The following VWA7 variants were observed in gnomAD, a reference collection of about 807,000 sequenced individuals.
The protein encoded by VWA7 is von Willebrand factor A domain containing 7.
A neutral mutation model predicts 83.1 loss-of-function variants in VWA7; 66 were observed. That is an observed-to-expected ratio of 0.79 (90% CI 0.65 to 0.98). The LOEUF (loss-of-function observed/expected upper bound fraction) is 0.98. VWA7 is among the 50% of genes least tolerant of loss of function. The pLI is 0.00. For missense variants in VWA7, 1,080 were observed against 1,160.2 expected, an observed-to-expected ratio of 0.93 and a Z score of 1.00; for synonymous variants, 424 against 488.5, an observed-to-expected ratio of 0.87 and a Z score of 1.74.
Position 31,769,921 on chromosome 6 carries a change from AG to A in VWA7, c.1200+79del. On this transcript the variant is annotated intron_variant, in intron 8 of 16. Coordinates refer to ENST00000375688, the MANE Select transcript of VWA7 (RefSeq NM_025258.3). This position sits in a 1 kb window ranked among gnomAD's most constrained non-coding sequence, Gnocchi z 4.5. ...TGAAGCTAGTGGATCTAGGTGCTGA[AG>A]GTGGTGGGGAGCCCCAGGAGGGATC... 6.6e-7 allele frequency: 1 copy of A among 1,507,514 alleles called. No individual in the cohort carries two copies. The highest frequency in any genetic ancestry group is 9.2e-7 in the Non-Finnish European group (1 of 1,087,260). The allele number at this position is 1,507,514 out of a possible 1,614,324, so 93.4% of individuals were successfully genotyped here. A position where few individuals can be genotyped will look rare whatever the true frequency, so the allele number is the denominator to read the frequency against.
intron 5 of VWA7, among the ~76,000 whole-genome samples, chr6:31,774,046 C>T (rs1401903955): frequency 7.0e-5 from 10 of 142,720 alleles, no homozygotes; most frequent in African/African-American, 1.3e-4. Flanking sequence ...CCCAGCTACT[C>T]GGGAGGCTGA....
chr6:31,773,333 G>A lies in VWA7; in HGVS notation c.826C>T (p.Leu276=), dbSNP rs372220067. The change falls in exon 6 of 17, where the codon CTG becomes TTG. Residue 276 remains leucine (L), a synonymous_variant. Coordinates refer to ENST00000375688, the MANE Select transcript of VWA7 (RefSeq NM_025258.3). The surrounding 1 kb of genome is among the most constrained non-coding windows in gnomAD (Gnocchi z 5.3). ...GCCAGTTTTGCAGCCTGGAGGTGCA[G>A]CATGTGGTGAGGGGAGAAGCCTGGG... The part of the protein sequence containing the change: ...TSPGFSPHHM[L]HLQAAKLALL... 3.1e-5 allele frequency: 50 copies of A among 1,608,698 alleles called. No homozygotes were observed. Among genetic ancestry groups the A allele is most frequent in the Non-Finnish European group, 4.1e-5 (48 of 1,177,854 alleles).
At chr6:31,774,802 T>C (rs899724953) in intron 4 of VWA7, among the ~76,000 whole-genome samples, 176 bp from the exon 5 acceptor site, 12 of 152,080 alleles carry the variant, frequency 7.9e-5, no homozygotes, top group Non-Finnish European at 1.8e-4. Context: ...TGAGCCTGAA[T>C]GTTTGAAACT....
intron 10 of VWA7, among the ~76,000 whole-genome samples, chr6:31,768,159 A>AAAG (rs1368408913): frequency 1.6e-4 from 24 of 147,668 alleles, no homozygotes; most frequent in African/African-American, 5.6e-4. Flanking sequence ...AAAAAAAAAA[A>AAAG]AAAGAAAGAA....
Position 31,769,789 on chromosome 6 carries a change from C to T in VWA7, c.1203G>A (p.Leu401=). The T allele has an allele frequency of 4.3e-6, 7 of 1,612,934 alleles. No homozygotes were observed. The highest frequency in any genetic ancestry group is 1.3e-5 in the African/African-American group (1 of 75,026). The change falls in exon 9 of 17, where the codon CTG becomes CTA. Residue 401 remains leucine (L), a splice_region_variant and synonymous_variant. Coordinates refer to ENST00000375688, the MANE Select transcript of VWA7 (RefSeq NM_025258.3). The surrounding 1 kb of genome is among the most constrained non-coding windows in gnomAD (Gnocchi z 4.5). ...AGAGTGGAGGTGTGTGCAGCAGGGC[C>T]AGCTGGCAGGGAAGGCAACGACCAG... ...EPEMCLSALQ[L]ALLHTPPLSD... is the part of the protein sequence containing the mutation.
In VWA7 at chr6:31,769,187, G is replaced by C; in HGVS notation, c.1334C>G (p.Thr445Ser). 1 of 1,611,810 alleles carries C rather than the reference G, an allele frequency of 6.2e-7. No homozygotes were observed. Among genetic ancestry groups the C allele is most frequent in the East Asian group, 2.2e-5 (1 of 44,886 alleles). The change falls in exon 10 of 17, where the codon ACT becomes AGT. Residue 445 changes from threonine to serine, a missense_variant. By Grantham distance (58) the Thr-to-Ser change is moderately conservative. Coordinates refer to ENST00000375688, the MANE Select transcript of VWA7 (RefSeq NM_025258.3). This position sits in a 1 kb window ranked among gnomAD's most constrained non-coding sequence, Gnocchi z 4.5. ...ERRCRVTFLV[T>S]EDTSRVQGRA... ...ACCCTGAACCCTTGATGTATCTTCA[G>C]TCACCAGGAATGTTACCTGTACCCA...
rs1811559908 is a variant in VWA7, at chr6:31,766,303, C to T, written c.2266G>A (p.Asp756Asn). ...TTGACGAAAGTCCTAAGGTCAAGAT[C>T]CTGAGGGCCCGAGAAGCTGGCGATG... ...LRIASFSGPQDLDLRTFVNPS... is the reference protein window; with the variant it reads ...LRIASFSGPQNLDLRTFVNPS... Residue 756 changes from aspartate to asparagine, a missense_variant, in exon 15 of 17, where the codon GAT (aspartate) becomes AAT (asparagine). Asp to Asn is a conservative substitution (Grantham distance 23, BLOSUM62 1). Transcript: ENST00000375688. The surrounding 1 kb of genome is among the most constrained non-coding windows in gnomAD (Gnocchi z 4.9). 6.2e-6 allele frequency: 10 copies of T among 1,612,322 alleles called. No individual in the cohort carries two copies. In the East Asian group the frequency reaches 2.2e-4, roughly 36 times the overall value.
At position 31,766,040 on chromosome 6, in the gene VWA7, T is replaced by A; in HGVS notation, c.2342A>T (p.Asn781Ile). The change falls in exon 16 of 17, where the codon AAT (asparagine) becomes ATT (isoleucine). Residue 781 changes from asparagine to isoleucine, a missense_variant. Coordinates refer to ENST00000375688, the MANE Select transcript of VWA7 (RefSeq NM_025258.3). This position sits in a 1 kb window ranked among gnomAD's most constrained non-coding sequence, Gnocchi z 4.9. ...CCACAGGCGGCCCCAGGCCGACTCA[T>A]TCAGTTCCAGGTGAGCCCTGGAGAG... ...SNLSRAHLEL[N>I]ESAWGRLWLE... 6.2e-7 allele frequency: 1 copy of A among 1,612,840 alleles called. No individual in the cohort carries two copies. Among genetic ancestry groups the A allele is most frequent in the Admixed American group, 1.7e-5 (1 of 60,028 alleles).
rs142871734 is a variant in VWA7, at chr6:31,770,038, C to T, written c.1163G>A (p.Gly388Asp). 4.3e-6 allele frequency: 7 copies of T among 1,612,752 alleles called. No homozygotes were observed. Among genetic ancestry groups the T allele is most frequent in the Non-Finnish European group, 5.9e-6 (7 of 1,179,922 alleles). Reference sequence around the variant, plus strand: ...CAGGCACATCTCAGGCTCGTCTCCACCCCCCAAGGCATGGATCTCATTAAG... The same window carrying T: ...CAGGCACATCTCAGGCTCGTCTCCATCCCCCAAGGCATGGATCTCATTAAG... ...QQLNEIHALG[G>D]GDEPEMCLSA... is the part of the protein sequence containing the mutation. The change falls in exon 8 of 17, where the codon GGT becomes GAT. Residue 388 changes from glycine (G) to aspartate (D), a missense_variant. Physicochemically the swap from Gly to Asp is moderately conservative, Grantham distance 94. Coordinates refer to ENST00000375688, the MANE Select transcript of VWA7 (RefSeq NM_025258.3).
chr6:31,772,226 A>G (rs707931), intron 7 of VWA7, among the ~76,000 whole-genome samples: 21,933 of 151,622 alleles, frequency 0.14, 2,438 homozygotes, highest in African/African-American at 0.31. Context: ...GCTCACTGCA[A>G]CCTCAGTCTC....
rs1268806840 is a variant in VWA7 at position 31,776,849 on chromosome 6, G to T, written c.-15-55C>A. On this transcript the variant is annotated intron_variant, in intron 1 of 16. Coordinates refer to ENST00000375688, the MANE Select transcript of VWA7 (RefSeq NM_025258.3). The surrounding 1 kb of genome is among the most constrained non-coding windows in gnomAD (Gnocchi z 6.2). ...GGAAGCAGCCGCGATTCCAGGGCAG[G>T]CCGGCTCTGCGGGTCTCCATGGGAA... 2 of 1,082,756 alleles carry T rather than the reference G, an allele frequency of 1.8e-6. No homozygotes were observed. Among genetic ancestry groups the T allele is most frequent in the African/African-American group, 3.3e-5 (2 of 61,166 alleles). The allele number at this position is 1,082,756 out of a possible 1,614,324, so 67.1% of individuals were successfully genotyped here.
chr6:31,776,843 G>C lies in VWA7; in HGVS notation c.-15-49C>G, dbSNP rs1331344177. On this transcript the variant is annotated intron_variant, in intron 1 of 16. Coordinates refer to ENST00000375688, the MANE Select transcript of VWA7 (RefSeq NM_025258.3). This position sits in a 1 kb window ranked among gnomAD's most constrained non-coding sequence, Gnocchi z 6.2. ...GGAGGAGGAAGCAGCCGCGATTCCAGGGCAGGCCGGCTCTGCGGGTCTCCA... is the reference window on the plus strand; with the variant it reads ...GGAGGAGGAAGCAGCCGCGATTCCACGGCAGGCCGGCTCTGCGGGTCTCCA... 1 of 1,134,182 alleles carries C rather than the reference G, an allele frequency of 8.8e-7. No individual in the cohort carries two copies. The highest frequency in any genetic ancestry group is 1.2e-6 in the Non-Finnish European group (1 of 842,858). The allele number at this position is 1,134,182 out of a possible 1,614,324, so 70.3% of individuals were successfully genotyped here. A position where few individuals can be genotyped will look rare whatever the true frequency, so the allele number is the denominator to read the frequency against.
rs781448871 is a variant in VWA7, at chr6:31,776,181, C to A, written c.296G>T (p.Arg99Leu). Residue 99 changes from arginine (R) to leucine (L), a missense_variant, in exon 3 of 17, where the codon CGG (arginine) becomes CTG (leucine). Transcript: ENST00000375688. The surrounding 1 kb of genome is among the most constrained non-coding windows in gnomAD (Gnocchi z 6.2). ...CACCTCACCTAAGGCTGCTCGGAACCGCCGAGAAGAACCAGGTCCAAAGTA... is the reference window on the plus strand; with the variant it reads ...CACCTCACCTAAGGCTGCTCGGAACAGCCGAGAAGAACCAGGTCCAAAGTA... ...AAYFGPGSSR[R>L]FRAALGEVSR... is the part of the protein sequence containing the mutation. The A allele has an allele frequency of 6.2e-7, 1 of 1,614,066 alleles. No homozygotes were observed. Among genetic ancestry groups the A allele is most frequent in the Admixed American group, 1.7e-5 (1 of 60,018 alleles).
At position 31,765,860 on chromosome 6, in the gene VWA7, G is replaced by A. The variant is rs1388890305; in HGVS notation, c.2499+23C>T. On this transcript the variant is annotated intron_variant, in intron 16 of 16. Transcript: ENST00000375688. ...CCCTCCCCGGCCTTGCCCACCCTGT[G>A]ATGGAAAGTAGTGGTTCCTCACCTG... 3 of 1,611,714 alleles carry A rather than the reference G, an allele frequency of 1.9e-6. No individual in the cohort carries two copies. In the African/African-American group the frequency reaches 4.0e-5, roughly 22 times the overall value.
Position 31,777,046 on chromosome 6 carries a change from A to C in VWA7, c.-16+63T>G. ...CTCCCCAGTCCCTGGCTGCGTCCCC[A>C]GCCCTGCCGCAGAAACACTCCCCAT... On this transcript the variant is annotated intron_variant, in intron 1 of 16. Transcript: ENST00000375688. This position sits in a 1 kb window ranked among gnomAD's most constrained non-coding sequence, Gnocchi z 5.8. 2.4e-6 allele frequency: 1 copy of C among 412,056 alleles called. No individual in the cohort carries two copies. Among genetic ancestry groups the C allele is most frequent in the Non-Finnish European group, 4.3e-6 (1 of 233,064 alleles). The allele number at this position is 412,056 out of a possible 1,614,324, so 25.5% of individuals were successfully genotyped here.
Position 31,765,775 on chromosome 6 carries a change from G to C in VWA7, c.2500-5C>G, listed in dbSNP as rs747371575. ...GGTAGGGGTGGTGTGCCGGTCCTGT[G>C]GGGAAAAGGAAGAGAATGACAGGGT... On this transcript the variant is annotated splice_polypyrimidine_tract_variant and splice_region_variant and intron_variant, in intron 16 of 16. Transcript: ENST00000375688. The C allele has an allele frequency of 2.6e-5, 41 of 1,584,738 alleles. 1 individual carries two copies. In the Admixed American group the frequency reaches 3.8e-4, roughly 15 times the overall value.
rs1812037365 is a variant in VWA7 at position 31,770,132 on chromosome 6, GT to G, written c.1088-20del. The G allele has an allele frequency of 6.2e-7, 1 of 1,601,958 alleles. No individual in the cohort carries two copies. On this transcript the variant is annotated intron_variant, in intron 7 of 16. Coordinates refer to ENST00000375688, the MANE Select transcript of VWA7 (RefSeq NM_025258.3). ...CCGAACCCTGGGAAGGGGAAAGGAG[GT>G]TAAGATAAGTGAGGAAAGAGCTCCC... is the stretch of plus-strand genomic sequence containing the variant.
rs1168155185 is a variant in VWA7, at chr6:31,769,747, GA to G, written c.1244del (p.Phe415SerfsTer18). ...AGGCATCCTTGGGGGAGGCATCCGT[GA>G]AGACAAAGATATCTGAGAGTGGAGG... ...HTPPLSDIFV[F>X]TDASPKDAFL... On this transcript the variant is annotated frameshift_variant, in exon 9 of 17. Coordinates refer to ENST00000375688, the MANE Select transcript of VWA7 (RefSeq NM_025258.3). LOFTEE classifies it high-confidence loss of function. The surrounding 1 kb of genome is among the most constrained non-coding windows in gnomAD (Gnocchi z 4.5). The G allele has an allele frequency of 6.8e-6, 11 of 1,613,026 alleles. No individual in the cohort carries two copies. The highest frequency in any genetic ancestry group is 9.3e-6 in the Non-Finnish European group (11 of 1,180,060).
chr6:31,775,340 C>T lies in VWA7; in HGVS notation c.603G>A (p.Leu201=). The T allele has an allele frequency of 6.2e-7, 1 of 1,612,078 alleles. No homozygotes were observed. Among genetic ancestry groups the T allele is most frequent in the Non-Finnish European group, 8.5e-7 (1 of 1,179,516 alleles). ...CCAGGGTCACAGCCATACCTTGTGCCAGGTTCTGGAGCTCCTGCCTTGGCC... is the reference window on the plus strand; with the variant it reads ...CCAGGGTCACAGCCATACCTTGTGCTAGGTTCTGGAGCTCCTGCCTTGGCC... ...LLWPRQELQN[L]AQVADPTCSD... Residue 201 remains leucine, a synonymous_variant, in exon 4 of 17, where the codon CTG becomes CTA. Coordinates refer to ENST00000375688, the MANE Select transcript of VWA7 (RefSeq NM_025258.3). This position sits in a 1 kb window ranked among gnomAD's most constrained non-coding sequence, Gnocchi z 5.9.
Sources: allele counts gnomAD v4.1 joint callset (sites outside exome capture counted in the v4.1 genomes callset), GRCh38; gene constraint gnomAD v4.1.1; non-coding constraint Gnocchi (gnomAD v3.1); transcripts MANE v1.5; gene names NCBI Gene and HGNC (gene_info 2026-07-23, HGNC 2026-07-21).